CNTNAP2: variants seen among roughly 807,000 people sequenced by gnomAD.
CNTNAP2 encodes contactin associated protein 2.
A neutral mutation model predicts 155.2 loss-of-function variants in CNTNAP2; 98 were observed. The observed-to-expected ratio is 0.63, with a 90% CI of 0.54 to 0.75. The LOEUF is 0.75. CNTNAP2 is among the 30% of genes least tolerant of loss of function. CNTNAP2 has a pLI of 0.00. For missense variants in CNTNAP2, 1,727 were observed against 1,688.1 expected (o/e 1.02, Z -0.40); for synonymous variants, 651 against 631.2 (o/e 1.03, Z -0.47).
chr7:148,035,904 A>C (rs1802565416), intron 15 of CNTNAP2, among the ~76,000 whole-genome samples: 1 of 152,234 alleles, frequency 6.6e-6, no homozygotes, highest in South Asian at 2.1e-4. Flanking sequence ...TGTTCAGCAC[A>C]AGAAGTCAAA....
rs574414878 is a variant in CNTNAP2 at position 148,069,811 on chromosome 7, T to C, written c.2384-48307T>C. Among the ~76,000 whole-genome samples the C allele has an allele frequency of 2.7e-5, 4 of 150,614 alleles. No individual in the cohort carries two copies. The East Asian group carries it at 5.9e-4, about 22-fold the overall frequency. The stretch of plus-strand genomic sequence containing the variant: ...AAAGAATGGGGAGGGGACATATGCA[T>C]CTCCATCTCAACTCTCTAAAACTAA... On this transcript the variant is annotated intron_variant, in intron 15 of 23. Transcript: ENST00000361727.
intron 20 of CNTNAP2, among the ~76,000 whole-genome samples, chr7:148,235,997 C>T (rs1192205968): frequency 6.6e-6 from 1 of 152,042 alleles, no homozygotes; most frequent in Non-Finnish European, 1.5e-5. Flanking sequence ...AGCTGTGCAG[C>T]TTTAAGGCCC....
chr7:146,819,391 A>G (rs1290063887), intron 2 of CNTNAP2, among the ~76,000 whole-genome samples: 1 of 152,098 alleles, frequency 6.6e-6, no homozygotes, highest in Non-Finnish European at 1.5e-5. Context: ...AAAATGATAC[A>G]GTGACCACTT....
chr7:146,501,115 A>G (rs2129133305), intron 1 of CNTNAP2, among the ~76,000 whole-genome samples: 1 of 152,104 alleles, frequency 6.6e-6, no homozygotes, highest in Middle Eastern at 3.4e-3. Flanking sequence ...TGGATGATGC[A>G]GTCTGCTAGT....
intron 1 of CNTNAP2, among the ~76,000 whole-genome samples, chr7:146,137,727 T>G (rs1002166114): frequency 2.4e-4 from 37 of 151,940 alleles, no homozygotes; most frequent in African/African-American, 8.9e-4. Flanking sequence ...CTATAGTAAT[T>G]TGCCAAGAGA....
chr7:146,560,336 A>T (rs532010776), intron 1 of CNTNAP2, among the ~76,000 whole-genome samples: 1 of 152,066 alleles, frequency 6.6e-6, no homozygotes, highest in Non-Finnish European at 1.5e-5. Flanking sequence ...CAGGTTATTT[A>T]TTATGATGGT....
intron 8 of CNTNAP2, among the ~76,000 whole-genome samples, chr7:147,155,809 A>G (rs1041655086): frequency 2.6e-5 from 4 of 152,062 alleles, no homozygotes; most frequent in Non-Finnish European, 5.9e-5. Context: ...GGTGCCCCTG[A>G]GAAGTTGATG....
intron 8 of CNTNAP2, among the ~76,000 whole-genome samples, chr7:147,136,663 C>T (rs1801486892): frequency 6.6e-6 from 1 of 151,836 alleles, no homozygotes; most frequent in Admixed American, 6.6e-5. Context: ...TATCTCTGTT[C>T]TTGATTTTAT....
At chr7:146,949,939 A>G (rs935146043) in intron 3 of CNTNAP2, among the ~76,000 whole-genome samples, 1 of 152,182 alleles carries the variant, frequency 6.6e-6, no homozygotes, top group African/African-American at 2.4e-5. Context: ...GAGGAAAACA[A>G]TGACATAATA....
At chr7:146,185,340 T>C (rs1798607766) in intron 1 of CNTNAP2, among the ~76,000 whole-genome samples, 1 of 152,200 alleles carries the variant, frequency 6.6e-6, no homozygotes, top group Admixed American at 6.6e-5. Context: ...CACCCACCTA[T>C]TGGTTTATAT....
chr7:147,469,506 ATTTTTTTTTTT>A (rs71527812), intron 10 of CNTNAP2, among the ~76,000 whole-genome samples: 1 of 79,104 alleles, frequency 1.3e-5, no homozygotes, highest in Admixed American at 1.7e-4. Flanking sequence ...TCAGGCTGCA[ATTTTTTTTTTT>A]TTTTTTTTTT....
intron 1 of CNTNAP2, among the ~76,000 whole-genome samples, chr7:146,682,739 C>G (rs1181127582): frequency 6.6e-6 from 1 of 152,130 alleles, no homozygotes; most frequent in African/African-American, 2.4e-5. Context: ...ACAGACATTT[C>G]AGGGCAAAGA....
At chr7:147,251,459 T>G (rs968813863) in intron 8 of CNTNAP2, among the ~76,000 whole-genome samples, 1 of 152,152 alleles carries the variant, frequency 6.6e-6, no homozygotes, top group Admixed American at 6.6e-5. Flanking sequence ...GGTAGGTAGG[T>G]AGGTTATGTG....
chr7:147,366,579 C>T (rs1254964219), intron 9 of CNTNAP2, among the ~76,000 whole-genome samples: 1 of 151,736 alleles, frequency 6.6e-6, no homozygotes, highest in African/African-American at 2.4e-5. Flanking sequence ...AAGATGAATT[C>T]TCAACTGATA....
intron 4 of CNTNAP2, among the ~76,000 whole-genome samples, chr7:147,096,182 T>C (rs910923600): frequency 1.6e-4 from 24 of 152,238 alleles, no homozygotes; most frequent in African/African-American, 5.8e-4. Flanking sequence ...CCATGAAGTC[T>C]TGTATTTGAC....
chr7:147,821,326 T>G (rs1798356970), intron 13 of CNTNAP2, among the ~76,000 whole-genome samples: 1 of 152,176 alleles, frequency 6.6e-6, no homozygotes, highest in South Asian at 2.1e-4. Flanking sequence ...AGATATTTTT[T>G]GGGCCTTGAA....
intron 11 of CNTNAP2, among the ~76,000 whole-genome samples, chr7:147,522,012 C>T (rs1009847220): frequency 1.3e-5 from 2 of 152,138 alleles, no homozygotes; most frequent in African/African-American, 4.8e-5. Flanking sequence ...CTGGGAAGTC[C>T]AAGATCAAGG....
At chr7:146,582,192 C>G (rs1798622130) in intron 1 of CNTNAP2, among the ~76,000 whole-genome samples, 1 of 151,996 alleles carries the variant, frequency 6.6e-6, no homozygotes, top group African/African-American at 2.4e-5. Flanking sequence ...AAAGGTTTCC[C>G]CATAGCAAAA....
chr7:147,395,816 A>G (rs771889819), intron 10 of CNTNAP2, 36 bp downstream of exon 10: 7 of 1,609,162 alleles, frequency 4.4e-6, no homozygotes, highest in South Asian at 1.1e-5. Flanking sequence ...ACGTTGTCCA[A>G]ACTTTCCAAA....
Sources: allele counts gnomAD v4.1 joint callset (sites outside exome capture counted in the v4.1 genomes callset), GRCh38; gene constraint gnomAD v4.1.1; transcripts MANE v1.5; gene names NCBI Gene and HGNC (gene_info 2026-07-23, HGNC 2026-07-21).